KIAA0586: variants seen among roughly 807,000 people sequenced by gnomAD.
KIAA0586 encodes protein TALPID3.
In KIAA0586, 144 loss-of-function variants were observed where a neutral mutation model predicts 169.8. The observed-to-expected ratio is 0.85, with a 90% CI of 0.74 to 0.97. The LOEUF (loss-of-function observed/expected upper bound fraction) is 0.97, where lower values mean the gene tolerates loss of function less well. KIAA0586 is among the 50% of genes least tolerant of loss of function. The pLI, the probability that KIAA0586 is intolerant of heterozygous loss-of-function variation, is 0.00. For missense variants in KIAA0586, 1,854 were observed against 1,823.0 expected (o/e 1.02, Z -0.31); for synonymous variants, 625 against 612.4 (o/e 1.02, Z -0.30).
At chr14:58,462,193 A>G (rs1361697498) in intron 14 of KIAA0586, among the ~76,000 whole-genome samples, 1 of 151,446 alleles carries the variant, frequency 6.6e-6, no homozygotes, top group African/African-American at 2.4e-5. Flanking sequence ...GGTGATATTT[A>G]TCCTAATGGA....
At chr14:58,551,422 T>C (rs914214002), downstream of KIAA0586, 3 of 152,166 alleles carry the variant, frequency 2.0e-5, no homozygotes, top group Admixed American at 6.5e-5. Flanking sequence ...ATAAGTAAAG[T>C]AGCATTTTTA....
In KIAA0586 at chr14:58,457,679, T is replaced by C. The variant is rs546136161; in HGVS notation, c.1363-80T>C. 8 of 873,976 alleles carry C rather than the reference T, an allele frequency of 9.2e-6. No homozygotes were observed. The African/African-American group carries it at 1.4e-4, about 15-fold the overall frequency. The allele number at this position is 873,976 out of a possible 1,614,324, so 54.1% of individuals were successfully genotyped here. A position where few individuals can be genotyped will look rare whatever the true frequency, so the allele number is the denominator to read the frequency against. On this transcript the variant is annotated intron_variant, in intron 10 of 30. Coordinates refer to ENST00000652326, the MANE Select transcript of KIAA0586 (RefSeq NM_001329943.3). ...GAATATATTGGTATAATGTATGGCC[T>C]CAACAATAGTGATAGCTGTTATTTT...
intron 29 of KIAA0586, among the ~76,000 whole-genome samples, chr14:58,524,767 C>T (rs922255446): frequency 2.0e-5 from 3 of 152,132 alleles, no homozygotes; most frequent in African/African-American, 7.2e-5. Flanking sequence ...ATATTAAGAG[C>T]TATTAAAGTG....
downstream of KIAA0586, among the ~76,000 whole-genome samples, chr14:58,553,239 T>A (rs1373769326): frequency 2.0e-5 from 3 of 152,214 alleles, no homozygotes; most frequent in Admixed American, 2.0e-4. Flanking sequence ...ATATAGAAGA[T>A]GTTCAGATCT....
intron 29 of KIAA0586, among the ~76,000 whole-genome samples, chr14:58,513,622 C>T (rs1008260975): frequency 6.6e-6 from 1 of 151,024 alleles, no homozygotes; most frequent in African/African-American, 2.4e-5. Flanking sequence ...TATTAATGTA[C>T]TATGGAAAAT....
chr14:58,455,150 T>C (rs1181899195), intron 9 of KIAA0586, among the ~76,000 whole-genome samples: 3 of 152,382 alleles, frequency 2.0e-5, no homozygotes, highest in South Asian at 2.1e-4. Flanking sequence ...TCAGTTGTTA[T>C]ATTTTTCAAC....
Position 58,536,905 on chromosome 14 carries a change from A to C in KIAA0586, c.4430-3166A>C, listed in dbSNP as rs61974556. 0.032 allele frequency: 14,299 copies of C among 444,902 alleles called. 309 individuals are homozygous for C. Among genetic ancestry groups the C allele is most frequent in the Middle Eastern group, 0.067 (127 of 1,898 alleles). 27.6% of individuals were successfully genotyped at this position (444,902 alleles called of 1,614,324 possible). On this transcript the variant is annotated intron_variant, in intron 29 of 30. Transcript: ENST00000652326. ...ATTTCTAGTCAGCATTGCTCATTCA[A>C]AATTTCCATAGAAATGTTAATAGAA...
At chr14:58,528,344 C>A (rs1258455346) in intron 29 of KIAA0586, among the ~76,000 whole-genome samples, 1 of 152,060 alleles carries the variant, frequency 6.6e-6, no homozygotes, top group African/African-American at 2.4e-5. Flanking sequence ...CAGCTGTGGA[C>A]CAAGCAGGCC....
chr14:58,506,569 C>T (rs1595416679), intron 27 of KIAA0586, among the ~76,000 whole-genome samples: 1 of 151,874 alleles, frequency 6.6e-6, no homozygotes, highest in Non-Finnish European at 1.5e-5. Context: ...TGCCTGTGGT[C>T]TCAGCTCCTA....
intron 1 of KIAA0586, among the ~76,000 whole-genome samples, chr14:58,429,119 T>G (rs2037138748): frequency 6.6e-6 from 1 of 152,232 alleles, no homozygotes; most frequent in African/African-American, 2.4e-5. Flanking sequence ...TGGTTATATT[T>G]TAAAATGTTT....
At chr14:58,436,216 T>C in intron 4 of KIAA0586, among the ~76,000 whole-genome samples, 1 of 152,204 alleles carries the variant, frequency 6.6e-6, no homozygotes, top group East Asian at 1.9e-4. Context: ...GTAGAAAATA[T>C]TGTGTATTCA....
chr14:58,518,681 C>G (rs961957372), intron 29 of KIAA0586, among the ~76,000 whole-genome samples: 5 of 152,204 alleles, frequency 3.3e-5, no homozygotes, highest in African/African-American at 1.2e-4. Flanking sequence ...GAGTTACCTT[C>G]TCTCCCCACT....
At chr14:58,478,943 A>G (rs1356959812) in intron 20 of KIAA0586, among the ~76,000 whole-genome samples, 2 of 152,224 alleles carry the variant, frequency 1.3e-5, no homozygotes, top group Non-Finnish European at 2.9e-5. Context: ...TAATTTGTCA[A>G]TCCATTTACC....
At chr14:58,522,818 A>G (rs1472993931) in intron 29 of KIAA0586, among the ~76,000 whole-genome samples, 2 of 152,212 alleles carry the variant, frequency 1.3e-5, no homozygotes, top group Non-Finnish European at 2.9e-5. Flanking sequence ...AAGCGTGGCA[A>G]CAAGTGTGTT....
chr14:58,505,164 CAA>C (rs1269183816), intron 27 of KIAA0586, among the ~76,000 whole-genome samples: 9 of 152,092 alleles, frequency 5.9e-5, no homozygotes, highest in African/African-American at 1.9e-4. Flanking sequence ...CATGCATGTA[CAA>C]TATATATGGT....
rs1315898803 is a variant in KIAA0586, at chr14:58,460,986, G to A, written c.1885G>A (p.Gly629Arg). Reference sequence around the variant, plus strand: ...GAGTTGAATAACTTTGTACACACAGGGGCTTTTGAAAGCAACCACAGTAAT... The same window carrying A: ...GAGTTGAATAACTTTGTACACACAGAGGCTTTTGAAAGCAACCACAGTAAT... ...ASSLQKERKE[G>R]LLKATTVIQD... Residue 629 changes from glycine to arginine, a missense_variant and splice_region_variant, in exon 14 of 31, where the codon GGG (glycine) becomes AGG (arginine). Gly to Arg is a moderately radical substitution (Grantham distance 125). Coordinates refer to ENST00000652326, the MANE Select transcript of KIAA0586 (RefSeq NM_001329943.3). 2 of 1,585,882 alleles carry A rather than the reference G, an allele frequency of 1.3e-6. No homozygotes were observed. The highest frequency in any genetic ancestry group is 1.7e-6 in the Non-Finnish European group (2 of 1,168,564).
At position 58,428,476 on chromosome 14, in the gene KIAA0586, A is replaced by G. The variant is rs769176872; in HGVS notation, c.199+13A>G. 8 of 1,576,974 alleles carry G rather than the reference A, an allele frequency of 5.1e-6. No individual in the cohort carries two copies. The Admixed American group carries it at 6.8e-5, about 13-fold the overall frequency. On this transcript the variant is annotated intron_variant, in intron 1 of 30. Coordinates refer to ENST00000652326, the MANE Select transcript of KIAA0586 (RefSeq NM_001329943.3). ...GGAACATCACGTGGTATGTGATTCCATGTAGTTTTTCAACCAGTTTTAGTT... is the reference window on the plus strand; with the variant it reads ...GGAACATCACGTGGTATGTGATTCCGTGTAGTTTTTCAACCAGTTTTAGTT...
chr14:58,538,310 A>T (rs1360259406), intron 29 of KIAA0586, among the ~76,000 whole-genome samples: 1 of 152,246 alleles, frequency 6.6e-6, no homozygotes, highest in African/African-American at 2.4e-5. Flanking sequence ...TTTAACATGA[A>T]TGTTTATCTC....
intron 16 of KIAA0586, among the ~76,000 whole-genome samples, chr14:58,469,796 A>C (rs2041063153): frequency 6.6e-6 from 1 of 152,190 alleles, no homozygotes. Context: ...AAGCAAACTA[A>C]ATAAGTTTTG....
Sources: allele counts gnomAD v4.1 joint callset (sites outside exome capture counted in the v4.1 genomes callset), GRCh38; gene constraint gnomAD v4.1.1; transcripts MANE v1.5; gene names NCBI Gene and HGNC (gene_info 2026-07-23, HGNC 2026-07-21).